Variants in MON1B observed in about 807,000 individuals in gnomAD.
MON1B encodes the protein vacuolar fusion protein MON1 homolog B.
MON1B carries 26 observed loss-of-function variants against 45.1 expected under a neutral mutation model. The ratio of observed to expected loss-of-function variants is 0.58; its 90% CI spans 0.42 to 0.80. The LOEUF is 0.80. Ranked by LOEUF, MON1B falls within the 30% of genes least tolerant of loss-of-function variation. MON1B has a pLI of 0.00. For missense variants in MON1B, 737 were observed against 754.5 expected (o/e 0.98, Z 0.27); for synonymous variants, 395 against 320.2 (o/e 1.23, Z -2.49).
At position 77,193,829 on chromosome 16, in the gene MON1B, T is replaced by C; in HGVS notation, c.475+52T>C. The C allele has an allele frequency of 6.5e-7, 1 of 1,547,374 alleles. No individual in the cohort carries two copies. Among genetic ancestry groups the C allele is most frequent in the Middle Eastern group, 2.2e-4 (1 of 4,568 alleles). ...GGGGGACAGTGACTGGGAATATGGC[T>C]GGCACGGGTAGGTCTGTCTGCCTCA... On this transcript the variant is annotated intron_variant, in intron 3 of 5. Coordinates refer to ENST00000248248, the MANE Select transcript of MON1B (RefSeq NM_014940.4). This position sits in a 1 kb window ranked among gnomAD's most constrained non-coding sequence, Gnocchi z 5.0.
In MON1B at chr16:77,201,007, C is replaced by T. The variant is rs2054736392; in HGVS notation, c.*2699C>T. On this transcript the variant is annotated 3_prime_UTR_variant, in exon 6 of 6. Transcript: ENST00000248248. ...TATTAACAAACACATTAGACTGCATCCTGCCAGACCTACCCATACAGACAT... is the reference window on the plus strand; with the variant it reads ...TATTAACAAACACATTAGACTGCATTCTGCCAGACCTACCCATACAGACAT... 6.6e-6 allele frequency: 1 copy of T among 152,160 alleles called. No homozygotes were observed. Among genetic ancestry groups the T allele is most frequent in the African/African-American group, 2.4e-5 (1 of 41,428 alleles). 9.4% of individuals were successfully genotyped at this position (152,160 alleles called of 1,614,324 possible). A position where few individuals can be genotyped will look rare whatever the true frequency, so the allele number is the denominator to read the frequency against.
chr16:77,193,383 G>A lies in MON1B; in HGVS notation c.149-68G>A. 2.8e-6 allele frequency: 4 copies of A among 1,429,926 alleles called. No homozygotes were observed. In the Admixed American group the frequency reaches 9.1e-5, roughly 33 times the overall value. The allele number at this position is 1,429,926 out of a possible 1,614,324, so 88.6% of individuals were successfully genotyped here. On this transcript the variant is annotated intron_variant, in intron 2 of 5. Transcript: ENST00000248248. This position sits in a 1 kb window ranked among gnomAD's most constrained non-coding sequence, Gnocchi z 5.0. ...ATGGAGGGGCTAGTAGATATTTGGT[G>A]GGTCCTTGGGGATGTGGGATTAGTT...
chr16:77,191,522 G>T lies in MON1B; in HGVS notation c.37G>T (p.Gly13Trp). 2 of 1,607,192 alleles carry T rather than the reference G, an allele frequency of 1.2e-6. No homozygotes were observed. Among genetic ancestry groups the T allele is most frequent in the Non-Finnish European group, 8.5e-7 (1 of 1,177,846 alleles). ...AGGAGACACTGCTGCCCCGGCCCCC[G>T]GGGGCGCGGAGGACTTGGAGGACAC... ...VGGDTAAPAP[G>W]GAEDLEDTQF... The change falls in exon 2 of 6, where the codon GGG becomes TGG. Residue 13 changes from glycine to tryptophan, a missense_variant. Physicochemically the swap from Gly to Trp is radical, Grantham distance 184. Coordinates refer to ENST00000248248, the MANE Select transcript of MON1B (RefSeq NM_014940.4).
intron 5 of MON1B, among the ~76,000 whole-genome samples, chr16:77,197,163 A>G (rs889018851): frequency 2.6e-5 from 4 of 151,490 alleles, no homozygotes; most frequent in Non-Finnish European, 5.9e-5. Flanking sequence ...AGTTGGGGGG[A>G]GTGGGCGGCG....
rs757757139 is a variant in MON1B, at chr16:77,198,224, C to T, written c.1560C>T (p.Phe520=). The stretch of plus-strand genomic sequence containing the variant: ...TGAAGAAAGAGGAGGACCGGCTCTT[C>T]ATTCGTTACCCACCCAAGTACTCCA... ...RWVKKEEDRL[F]IRYPPKYSTP... Residue 520 remains phenylalanine (F), a synonymous_variant, in exon 6 of 6, where the codon TTC becomes TTT. Transcript: ENST00000248248. The T allele has an allele frequency of 6.2e-7, 1 of 1,614,188 alleles. No homozygotes were observed. The highest frequency in any genetic ancestry group is 8.5e-7 in the Non-Finnish European group (1 of 1,180,042).
chr16:77,198,421 T>A lies in MON1B; in HGVS notation c.*113T>A. 1 of 1,219,540 alleles carries A rather than the reference T, an allele frequency of 8.2e-7. No individual in the cohort carries two copies. Among genetic ancestry groups the A allele is most frequent in the Non-Finnish European group, 1.2e-6 (1 of 853,774 alleles). 75.5% of individuals were successfully genotyped at this position (1,219,540 alleles called of 1,614,324 possible). On this transcript the variant is annotated 3_prime_UTR_variant, in exon 6 of 6. Coordinates refer to ENST00000248248, the MANE Select transcript of MON1B (RefSeq NM_014940.4). ...TGTCTGTGGCCAGTCATTGTCTCCC[T>A]AAGCAATGGGGCAAGGTCTGAGGGC...
intron 5 of MON1B, among the ~76,000 whole-genome samples, chr16:77,196,379 A>G (rs2054665313): frequency 6.6e-6 from 1 of 152,206 alleles, no homozygotes; most frequent in South Asian, 2.1e-4. Context: ...ATTTATATTT[A>G]TAAAGAGTTA....
chr16:77,199,402 T>A lies in MON1B; in HGVS notation c.*1094T>A, dbSNP rs1233745969. On this transcript the variant is annotated 3_prime_UTR_variant, in exon 6 of 6. Transcript: ENST00000248248. ...AGCCTTTCACCCTCACGTGGTTTCT[T>A]TTTTAACCAGTCATCAAGCGAGGCT... 3 of 1,542,442 alleles carry A rather than the reference T, an allele frequency of 1.9e-6. No individual in the cohort carries two copies. In the South Asian group the frequency reaches 3.6e-5, roughly 18 times the overall value.
At position 77,201,491 on chromosome 16, in the gene MON1B, C is replaced by G. The variant is rs372653843; in HGVS notation, c.*3183C>G. On this transcript the variant is annotated 3_prime_UTR_variant, in exon 6 of 6. Transcript: ENST00000248248. ...ATTGACGACCTTGTAGAGAAACAGG[C>G]CTTTTCCTGCCTCAGGGAAGAGAGC... 4 of 152,304 alleles carry G rather than the reference C, an allele frequency of 2.6e-5. No homozygotes were observed. In the East Asian group the frequency reaches 7.7e-4, roughly 29 times the overall value. The allele number at this position is 152,304 out of a possible 1,614,324, so 9.4% of individuals were successfully genotyped here.
At chr16:77,195,822 C>G in intron 5 of MON1B, 140 bp downstream of exon 5, 3 of 995,694 alleles carry the variant, frequency 3.0e-6, no homozygotes, top group Non-Finnish European at 4.4e-6. Context: ...AACACTGTCC[C>G]TGCCTTTACA....
rs547327074 is a variant in MON1B, at chr16:77,194,845, G to T, written c.986G>T (p.Arg329Leu). 1.9e-6 allele frequency: 3 copies of T among 1,609,528 alleles called. No individual in the cohort carries two copies. Among genetic ancestry groups the T allele is most frequent in the African/African-American group, 2.7e-5 (2 of 74,892 alleles). ...GEAWAPVCLP[R>L]FNPDGFFYAY... ...GCTTGGGCACCTGTGTGCCTGCCCC[G>T]CTTCAACCCTGATGGTTTTTTCTAC... The change falls in exon 4 of 6, where the codon CGC (arginine) becomes CTC (leucine). Residue 329 changes from arginine to leucine, a missense_variant. By Grantham distance (102) the Arg-to-Leu change is moderately radical. Coordinates refer to ENST00000248248, the MANE Select transcript of MON1B (RefSeq NM_014940.4). This position sits in a 1 kb window ranked among gnomAD's most constrained non-coding sequence, Gnocchi z 8.1.
Position 77,194,041 on chromosome 16 carries a change from G to T in MON1B, c.475+264G>T. ...CTGAGAGGATAACTGTGGGGGCTGT[G>T]TGGTTGAGCTGTGTCTTTCTGGCTC... On this transcript the variant is annotated intron_variant, in intron 3 of 5. Coordinates refer to ENST00000248248, the MANE Select transcript of MON1B (RefSeq NM_014940.4). The surrounding 1 kb of genome is among the most constrained non-coding windows in gnomAD (Gnocchi z 8.1). 1 of 600,880 alleles carries T rather than the reference G, an allele frequency of 1.7e-6. No individual in the cohort carries two copies. The allele number at this position is 600,880 out of a possible 1,614,324, so 37.2% of individuals were successfully genotyped here. A position where few individuals can be genotyped will look rare whatever the true frequency, so the allele number is the denominator to read the frequency against.
Position 77,193,351 on chromosome 16 carries a change from A to G in MON1B, c.149-100A>G. 8.5e-7 allele frequency: 1 copy of G among 1,180,052 alleles called. No individual in the cohort carries two copies. 73.1% of individuals were successfully genotyped at this position (1,180,052 alleles called of 1,614,324 possible). A position where few individuals can be genotyped will look rare whatever the true frequency, so the allele number is the denominator to read the frequency against. On this transcript the variant is annotated intron_variant, in intron 2 of 5. Coordinates refer to ENST00000248248, the MANE Select transcript of MON1B (RefSeq NM_014940.4). This position sits in a 1 kb window ranked among gnomAD's most constrained non-coding sequence, Gnocchi z 5.0. ...CACTTGGAGTTCTGCGTCAGCATGC[A>G]GGGGTCATGGAGGGGCTAGTAGATA...
chr16:77,194,979 A>T lies in MON1B; in HGVS notation c.1120A>T (p.Met374Leu). ...AACRRLVEDGMHALGAMRALG... is the reference protein window; with the variant it reads ...AACRRLVEDGLHALGAMRALG... Reference sequence around the variant, plus strand: ...CTGCCGGCGCCTGGTTGAAGATGGGATGCATGCCCTTGGTGCCATGCGTGC... The same window carrying T: ...CTGCCGGCGCCTGGTTGAAGATGGGTTGCATGCCCTTGGTGCCATGCGTGC... The change falls in exon 4 of 6, where the codon ATG becomes TTG. Residue 374 changes from methionine to leucine, a missense_variant. By Grantham distance (15) the Met-to-Leu change is conservative. Transcript: ENST00000248248. This position sits in a 1 kb window ranked among gnomAD's most constrained non-coding sequence, Gnocchi z 8.1. 1 of 1,613,890 alleles carries T rather than the reference A, an allele frequency of 6.2e-7. No individual in the cohort carries two copies. Among genetic ancestry groups the T allele is most frequent in the Non-Finnish European group, 8.5e-7 (1 of 1,179,994 alleles).
Position 77,199,011 on chromosome 16 carries a change from A to T in MON1B, c.*703A>T, listed in dbSNP as rs191689686. On this transcript the variant is annotated 3_prime_UTR_variant, in exon 6 of 6. Transcript: ENST00000248248. ...TTAGCCTCTAAGCCTCGTTTTACTC[A>T]TCTGTGAAACAGAGATAAGTAACCC... The T allele has an allele frequency of 7.3e-4, 120 of 164,486 alleles. No homozygotes were observed. Among genetic ancestry groups the T allele is most frequent in the Non-Finnish European group, 1.1e-3 (80 of 75,838 alleles). 10.2% of individuals were successfully genotyped at this position (164,486 alleles called of 1,614,324 possible).
Position 77,194,085 on chromosome 16 carries a change from A to G in MON1B, c.476-250A>G. On this transcript the variant is annotated intron_variant, in intron 3 of 5. Coordinates refer to ENST00000248248, the MANE Select transcript of MON1B (RefSeq NM_014940.4). This position sits in a 1 kb window ranked among gnomAD's most constrained non-coding sequence, Gnocchi z 8.1. ...CTGGCTCTGTGTCAGCCCTTGTACC[A>G]TCTCTACCCGCCTGCCCGTGGTCTT... 1 of 603,352 alleles carries G rather than the reference A, an allele frequency of 1.7e-6. No individual in the cohort carries two copies. The highest frequency in any genetic ancestry group is 2.9e-5 in the Admixed American group (1 of 34,444). The allele number at this position is 603,352 out of a possible 1,614,324, so 37.4% of individuals were successfully genotyped here.
At position 77,199,424 on chromosome 16, in the gene MON1B, G is replaced by C. The variant is rs1454313027; in HGVS notation, c.*1116G>C. On this transcript the variant is annotated 3_prime_UTR_variant, in exon 6 of 6. Transcript: ENST00000248248. ...TCTTTTTTAACCAGTCATCAAGCGA[G>C]GCTCGCGCGCAGGCCCCGCGTTGGA... 3.2e-6 allele frequency: 5 copies of C among 1,550,836 alleles called. No individual in the cohort carries two copies. The African/African-American group carries it at 5.5e-5, about 17-fold the overall frequency.
At chr16:77,195,996 C>T (rs983565053) in intron 5 of MON1B, among the ~76,000 whole-genome samples, 2 of 152,198 alleles carry the variant, frequency 1.3e-5, no homozygotes, top group African/African-American at 4.8e-5. Context: ...CCCAGTAGCC[C>T]AATCCATGTG....
chr16:77,193,429 C>T lies in MON1B; in HGVS notation c.149-22C>T. 2.0e-6 allele frequency: 3 copies of T among 1,532,340 alleles called. No homozygotes were observed. The highest frequency in any genetic ancestry group is 1.4e-5 in the African/African-American group (1 of 72,408). 94.9% of individuals were successfully genotyped at this position (1,532,340 alleles called of 1,614,324 possible). A position where few individuals can be genotyped will look rare whatever the true frequency, so the allele number is the denominator to read the frequency against. On this transcript the variant is annotated intron_variant, in intron 2 of 5. Transcript: ENST00000248248. This position sits in a 1 kb window ranked among gnomAD's most constrained non-coding sequence, Gnocchi z 5.0. ...TAGTTAGGAGTTCACATGCAGATGA[C>T]CCACCAGGGGCTCCCTTTCAGGATC...
Sources: gnomAD v4.1 joint callset for allele counts (sites outside exome capture counted in the v4.1 genomes callset) on GRCh38, gnomAD v4.1.1 for gene constraint, Gnocchi (gnomAD v3.1) non-coding constraint, MANE v1.5 for transcripts, NCBI Gene and HGNC (gene_info 2026-07-23, HGNC 2026-07-21) for gene names.